Variants in RGS6 observed in about 807,000 individuals in gnomAD.
RGS6 encodes the protein regulator of G-protein signaling 6.
Under a neutral mutation model 78.5 loss-of-function variants are expected in RGS6, and 30 were observed. The observed-to-expected ratio is 0.38, with a 90% CI of 0.29 to 0.52. The LOEUF (loss-of-function observed/expected upper bound fraction) is 0.52. Among genes scored for constraint, RGS6 ranks in the 20% least tolerant of loss-of-function variants. RGS6 has a pLI of 0.85. For synonymous variants in RGS6, 206 were observed against 206.0 expected (o/e 1.00, Z 0.00); for missense variants, 495 against 609.7 (o/e 0.81, Z 1.98).
intron 2 of RGS6, among the ~76,000 whole-genome samples, chr14:72,133,203 A>G (rs2096365282): frequency 6.6e-6 from 1 of 152,046 alleles, no homozygotes; most frequent in Non-Finnish European, 1.5e-5. Context: ...CTCATCCCCA[A>G]GTTTCAAGAT....
intron 2 of RGS6, among the ~76,000 whole-genome samples, chr14:72,032,536 T>A (rs921665220): frequency 2.0e-5 from 3 of 152,140 alleles, no homozygotes; most frequent in Non-Finnish European, 2.9e-5. Context: ...ATGTGTACAT[T>A]GTTGTGCCAC....
At chr14:72,151,284 A>T (rs1210967871) in intron 2 of RGS6, among the ~76,000 whole-genome samples, 1 of 152,370 alleles carries the variant, frequency 6.6e-6, no homozygotes, top group East Asian at 1.9e-4. Flanking sequence ...TTAATGAAGT[A>T]AAGGAGACAG....
intron 2 of RGS6, among the ~76,000 whole-genome samples, chr14:72,115,227 C>T (rs879470274): frequency 6.6e-6 from 1 of 152,142 alleles, no homozygotes; most frequent in East Asian, 1.9e-4. Context: ...GATTATTTTA[C>T]AGGATTTCTT....
At chr14:72,027,335 C>T (rs2090076594) in intron 2 of RGS6, among the ~76,000 whole-genome samples, 1 of 152,130 alleles carries the variant, frequency 6.6e-6, no homozygotes, top group African/African-American at 2.4e-5. Context: ...CTTAGAGTCT[C>T]TTACTTTATA....
chr14:72,536,215 C>T lies in RGS6; in HGVS notation c.1308C>T (p.Asp436=). Reference sequence around the variant, plus strand: ...ACATCTACAAGCTGATGAAGAGTGACAGCTATGCCCGCTTCCTCCGGTCAA... The same window carrying T: ...ACATCTACAAGCTGATGAAGAGTGATAGCTATGCCCGCTTCCTCCGGTCAA... ...QEHIYKLMKS[D]SYARFLRSNA... The change falls in exon 16 of 18, where the codon GAC becomes GAT. Residue 436 remains aspartate, a synonymous_variant. Transcript: ENST00000553525. 1.2e-6 allele frequency: 2 copies of T among 1,613,908 alleles called. No homozygotes were observed. Among genetic ancestry groups the T allele is most frequent in the Non-Finnish European group, 1.7e-6 (2 of 1,179,842 alleles).
intron 2 of RGS6, among the ~76,000 whole-genome samples, chr14:72,025,836 C>CAG (rs1396131452): frequency 6.6e-6 from 1 of 152,076 alleles, no homozygotes; most frequent in Non-Finnish European, 1.5e-5. Context: ...TAGTTGATGT[C>CAG]AGAGCCAAGA....
At chr14:72,550,392 A>G (rs370574284) in intron 17 of RGS6, 6 of 1,344,838 alleles carry the variant, frequency 4.5e-6, no homozygotes, top group Non-Finnish European at 6.2e-6. Flanking sequence ...ATTCCACACC[A>G]TGCCCCTGGC....
chr14:72,118,459 G>C (rs8016491), intron 2 of RGS6, among the ~76,000 whole-genome samples: 12,736 of 152,154 alleles, frequency 0.084, 1,446 homozygotes, highest in African/African-American at 0.26. Context: ...TTTACTCATA[G>C]AAGGGCACCC....
chr14:72,136,381 CT>C (rs2096441310), intron 2 of RGS6, among the ~76,000 whole-genome samples: 1 of 152,150 alleles, frequency 6.6e-6, no homozygotes, highest in Middle Eastern at 3.4e-3. Context: ...TCTCATGCTG[CT>C]GAATAAAGAC....
intron 2 of RGS6, among the ~76,000 whole-genome samples, chr14:72,016,890 C>A (rs1409734728): frequency 6.6e-6 from 1 of 152,160 alleles, no homozygotes; most frequent in Non-Finnish European, 1.5e-5. Context: ...TAAGAATTTG[C>A]TCTCTTATCC....
At chr14:72,454,703 G>C in intron 4 of RGS6, 125 bp downstream of exon 4, 3 of 675,274 alleles carry the variant, frequency 4.4e-6, no homozygotes, top group Non-Finnish European at 5.2e-6. Context: ...CCAAGACGTG[G>C]AATCACTCTA....
intron 2 of RGS6, among the ~76,000 whole-genome samples, chr14:72,145,122 T>C (rs976034399): frequency 6.6e-6 from 1 of 152,064 alleles, no homozygotes; most frequent in Non-Finnish European, 1.5e-5. Flanking sequence ...GAGTGCAGAG[T>C]CTGCAAAATA....
chr14:72,191,722 A>T (rs1217069068), intron 2 of RGS6, among the ~76,000 whole-genome samples: 2 of 152,232 alleles, frequency 1.3e-5, no homozygotes, highest in Non-Finnish European at 2.9e-5. Flanking sequence ...ACTACAGTTC[A>T]AAATGAGATT....
intron 2 of RGS6, among the ~76,000 whole-genome samples, chr14:72,250,661 G>A (rs1382252417): frequency 1.3e-5 from 2 of 152,184 alleles, no homozygotes; most frequent in Non-Finnish European, 2.9e-5. Context: ...GCCCATGTCT[G>A]AGAGATTGAA....
chr14:72,180,047 G>C (rs900119112), intron 2 of RGS6, among the ~76,000 whole-genome samples: 2 of 152,178 alleles, frequency 1.3e-5, no homozygotes, highest in African/African-American at 4.8e-5. Flanking sequence ...TGTATTTTCA[G>C]GATTAGAGGT....
At chr14:72,000,514 A>G (rs1021373990) in intron 2 of RGS6, among the ~76,000 whole-genome samples, 2 of 152,186 alleles carry the variant, frequency 1.3e-5, no homozygotes, top group East Asian at 3.8e-4. Context: ...CATCCCATAC[A>G]GGTGGATAGA....
chr14:72,208,677 A>G (rs2043263627), intron 2 of RGS6, among the ~76,000 whole-genome samples: 1 of 152,168 alleles, frequency 6.6e-6, no homozygotes. Flanking sequence ...GGCTACCTTG[A>G]CTATTTCAGC....
the RGS6 span, among the ~76,000 whole-genome samples, chr14:72,612,779 G>A: frequency 6.6e-6 from 1 of 152,222 alleles, no homozygotes; most frequent in Non-Finnish European, 1.5e-5. Flanking sequence ...AGAAGCATAG[G>A]TGAACGAAGG....
intron 2 of RGS6, among the ~76,000 whole-genome samples, chr14:72,101,594 C>T (rs1055562692): frequency 6.6e-6 from 1 of 152,190 alleles, no homozygotes; most frequent in African/African-American, 2.4e-5. Context: ...CATGTTTCTT[C>T]AAGGCAGAGG....
Sources: allele counts gnomAD v4.1 joint callset (sites outside exome capture counted in the v4.1 genomes callset), GRCh38; gene constraint gnomAD v4.1.1; transcripts MANE v1.5; gene names NCBI Gene and HGNC (gene_info 2026-07-23, HGNC 2026-07-21).